The following PCDHGA9 variants were observed in gnomAD, a reference collection of about 807,000 sequenced individuals.
PCDHGA9 encodes the protein protocadherin gamma subfamily A, 9.
Under a neutral mutation model 62.5 loss-of-function variants are expected in PCDHGA9, and 37 were observed. That is an observed-to-expected ratio of 0.59 (90% CI 0.46 to 0.78). The LOEUF is 0.78. PCDHGA9 is among the 30% of genes least tolerant of loss of function. PCDHGA9 has a pLI of 0.00. For synonymous variants in PCDHGA9, 459 were observed against 484.6 expected, an observed-to-expected ratio of 0.95 and a Z score of 0.69; for missense variants, 1,138 against 1,166.2, an observed-to-expected ratio of 0.98 and a Z score of 0.35.
intron 1 of PCDHGA9, among the ~76,000 whole-genome samples, chr5:141,425,922 A>G (rs1485934946): frequency 6.6e-6 from 1 of 152,240 alleles, no homozygotes; most frequent in Non-Finnish European, 1.5e-5. Context: ...TCACTACGAA[A>G]ACTCATAAAA....
chr5:141,488,312 A>G lies in PCDHGA9; in HGVS notation c.2425-6495A>G, dbSNP rs952247975. 7.9e-5 allele frequency among the ~76,000 whole-genome samples: 12 copies of G among 152,286 alleles called. 1 individual carries two copies. Among genetic ancestry groups the G allele is most frequent in the African/African-American group, 2.9e-4 (12 of 41,558 alleles). On this transcript the variant is annotated intron_variant, in intron 1 of 3. Coordinates refer to ENST00000573521, the MANE Select transcript of PCDHGA9 (RefSeq NM_018921.3). ...AGTAAGTGAAATCACTTATGTCAGA[A>G]AACTGGTTTACAGTTGGCTGATTCA...
At chr5:141,459,863 G>A (rs182099511) in intron 1 of PCDHGA9, among the ~76,000 whole-genome samples, 2 of 152,242 alleles carry the variant, frequency 1.3e-5, no homozygotes, top group East Asian at 1.9e-4. Context: ...TGAAGCATTC[G>A]TTCATCTTTA....
Position 141,511,843 on chromosome 5 carries a change from GT to G in PCDHGA9, c.*674del, listed in dbSNP as rs1413398495. On this transcript the variant is annotated 3_prime_UTR_variant, in exon 4 of 4. Coordinates refer to ENST00000573521, the MANE Select transcript of PCDHGA9 (RefSeq NM_018921.3). ...CCAACGCCCTGGGGACCAGTCTTCT[GT>G]TTTGTTTTTCATTGTTTGACGTTTC... 1 of 156,550 alleles carries G rather than the reference GT, an allele frequency of 6.4e-6. No individual in the cohort carries two copies. The highest frequency in any genetic ancestry group is 2.4e-5 in the African/African-American group (1 of 41,452). The allele number at this position is 156,550 out of a possible 1,614,324, so 9.7% of individuals were successfully genotyped here. A position where few individuals can be genotyped will look rare whatever the true frequency, so the allele number is the denominator to read the frequency against.
intron 1 of PCDHGA9, chr5:141,417,622 G>T (rs1036510827): frequency 1.5e-6 from 1 of 668,534 alleles, no homozygotes; most frequent in Non-Finnish European, 2.4e-6. Flanking sequence ...TGCAGAGCAA[G>T]CGCTGACGCC....
chr5:141,432,014 A>G lies in PCDHGA9; in HGVS notation c.2424+26638A>G, dbSNP rs778393699. The G allele has an allele frequency of 1.5e-5, 25 of 1,614,078 alleles. No individual in the cohort carries two copies. The highest frequency in any genetic ancestry group is 2.0e-5 in the Non-Finnish European group (24 of 1,180,036). ...GGATAGGGAACAGGTTCCTAGCTAC[A>G]ACATCACAGTGACCGCCACTGACCG... On this transcript the variant is annotated intron_variant, in intron 1 of 3. Coordinates refer to ENST00000573521, the MANE Select transcript of PCDHGA9 (RefSeq NM_018921.3). This position sits in a 1 kb window ranked among gnomAD's most constrained non-coding sequence, Gnocchi z 6.0.
At chr5:141,422,287 A>G in intron 1 of PCDHGA9, 3 of 1,553,500 alleles carry the variant, frequency 1.9e-6, no homozygotes, top group South Asian at 1.3e-5. Context: ...CACCTCTTCT[A>G]TTAATTCAAT....
chr5:141,489,696 C>T lies in PCDHGA9; in HGVS notation c.2425-5111C>T. On this transcript the variant is annotated intron_variant, in intron 1 of 3. Transcript: ENST00000573521. This position sits in a 1 kb window ranked among gnomAD's most constrained non-coding sequence, Gnocchi z 4.5. ...AATCAGCAGCATCTGGGGCACGATT[C>T]CCACTGGACAGTGCCCAGGATCCGG... 6.2e-7 allele frequency: 1 copy of T among 1,614,170 alleles called. No homozygotes were observed. Among genetic ancestry groups the T allele is most frequent in the Non-Finnish European group, 8.5e-7 (1 of 1,180,002 alleles).
chr5:141,512,656 C>G lies in PCDHGA9; in HGVS notation c.*1483C>G, dbSNP rs1262748947. ...CCCTTACAGTAGTGTAGCGCCCCCT[C>G]CCTCTTTCGGCTGGTGTAGAATAGC... On this transcript the variant is annotated 3_prime_UTR_variant, in exon 4 of 4. Coordinates refer to ENST00000573521, the MANE Select transcript of PCDHGA9 (RefSeq NM_018921.3). 1 of 152,508 alleles carries G rather than the reference C, an allele frequency of 6.6e-6. No homozygotes were observed. The highest frequency in any genetic ancestry group is 1.5e-5 in the Non-Finnish European group (1 of 68,228). The allele number at this position is 152,508 out of a possible 1,614,324, so 9.4% of individuals were successfully genotyped here.
chr5:141,439,410 A>T (rs2098110832), intron 1 of PCDHGA9, among the ~76,000 whole-genome samples: 1 of 152,220 alleles, frequency 6.6e-6, no homozygotes, highest in African/African-American at 2.4e-5. Context: ...TGCTAACATC[A>T]CTGAGGTTAT....
intron 1 of PCDHGA9, among the ~76,000 whole-genome samples, chr5:141,434,888 C>T (rs1287540129): frequency 6.6e-6 from 1 of 150,944 alleles, no homozygotes; most frequent in Non-Finnish European, 1.5e-5. Flanking sequence ...AACAACAATC[C>T]AGTCCCCTTC....
At chr5:141,478,442 C>G (rs1245219009) in intron 1 of PCDHGA9, 1 of 1,613,608 alleles carries the variant, frequency 6.2e-7, no homozygotes, top group Non-Finnish European at 8.5e-7. Flanking sequence ...GCTGAAGAAA[C>G]CTGGTGCAGC....
rs1464357405 is a variant in PCDHGA9 at position 141,476,385 on chromosome 5, A to G, written c.2425-18422A>G. On this transcript the variant is annotated intron_variant, in intron 1 of 3. Coordinates refer to ENST00000573521, the MANE Select transcript of PCDHGA9 (RefSeq NM_018921.3). The surrounding 1 kb of genome is among the most constrained non-coding windows in gnomAD (Gnocchi z 7.6). ...GAGACCGGAGAGATGTTTGTGAACG[A>G]CCGTCTGGATCGAGAGGAGCTGTGT... The G allele has an allele frequency of 4.3e-6, 7 of 1,614,062 alleles. No homozygotes were observed. The highest frequency in any genetic ancestry group is 5.9e-6 in the Non-Finnish European group (7 of 1,180,020).
At chr5:141,433,332 T>C (rs1344429296) in intron 1 of PCDHGA9, 7 of 694,580 alleles carry the variant, frequency 1.0e-5, no homozygotes, top group Non-Finnish European at 1.7e-5. Context: ...TAACAGGGAC[T>C]ACAGGTGCAA....
intron 1 of PCDHGA9, among the ~76,000 whole-genome samples, chr5:141,466,613 C>T (rs772278295): frequency 1.2e-4 from 19 of 152,144 alleles, no homozygotes; most frequent in Non-Finnish European, 2.4e-4. Context: ...TGTAAACTGC[C>T]GTTTTCTTTG....
intron 1 of PCDHGA9, among the ~76,000 whole-genome samples, chr5:141,455,172 G>GT (rs1344126228): frequency 3.3e-5 from 5 of 150,340 alleles, no homozygotes; most frequent in South Asian, 4.2e-4. Context: ...TTTTTTTTTA[G>GT]TTTTTTTATT....
chr5:141,475,424 T>C (rs2099363271), intron 1 of PCDHGA9, among the ~76,000 whole-genome samples: 1 of 152,244 alleles, frequency 6.6e-6, no homozygotes, highest in African/African-American at 2.4e-5. Context: ...CTCCTGCTAA[T>C]TTGATAGTAG....
Position 141,476,757 on chromosome 5 carries a change from T to C in PCDHGA9, c.2425-18050T>C. On this transcript the variant is annotated intron_variant, in intron 1 of 3. Coordinates refer to ENST00000573521, the MANE Select transcript of PCDHGA9 (RefSeq NM_018921.3). This position sits in a 1 kb window ranked among gnomAD's most constrained non-coding sequence, Gnocchi z 7.6. ...CGGGAGCCTAGTCTCCAGTTAGTGC[T>C]GACGGCGTTGGACGGAGGGACCCCA... 1.2e-6 allele frequency: 2 copies of C among 1,613,906 alleles called. No individual in the cohort carries two copies. The highest frequency in any genetic ancestry group is 1.7e-6 in the Non-Finnish European group (2 of 1,180,004).
chr5:141,422,800 C>A (rs1470748782), intron 1 of PCDHGA9: 1 of 1,614,094 alleles, frequency 6.2e-7, no homozygotes, highest in Non-Finnish European at 8.5e-7. Flanking sequence ...CGACTATGAG[C>A]AGTTTCGAGA....
At position 141,486,108 on chromosome 5, in the gene PCDHGA9, G is replaced by A. The variant is rs1184123075; in HGVS notation, c.2425-8699G>A. ...CTTTTGGGGCCCCTAGACTTTGAGA[G>A]TGAGAATTACTATGAATTTGATGTG... On this transcript the variant is annotated intron_variant, in intron 1 of 3. Coordinates refer to ENST00000573521, the MANE Select transcript of PCDHGA9 (RefSeq NM_018921.3). The surrounding 1 kb of genome is among the most constrained non-coding windows in gnomAD (Gnocchi z 5.0). 6 of 1,614,206 alleles carry A rather than the reference G, an allele frequency of 3.7e-6. No individual in the cohort carries two copies. Among genetic ancestry groups the A allele is most frequent in the South Asian group, 3.3e-5 (3 of 91,084 alleles).
Sources: gnomAD v4.1 joint callset for allele counts (sites outside exome capture counted in the v4.1 genomes callset) on GRCh38, gnomAD v4.1.1 for gene constraint, Gnocchi (gnomAD v3.1) non-coding constraint, MANE v1.5 for transcripts, NCBI Gene and HGNC (gene_info 2026-07-23, HGNC 2026-07-21) for gene names.